Variants in CSNK2A1 observed in about 807,000 individuals in gnomAD.
CSNK2A1 encodes casein kinase II subunit alpha.
In CSNK2A1, 10 loss-of-function variants were observed where a neutral mutation model predicts 62.9. The observed-to-expected ratio is 0.16, with a 90% CI of 0.10 to 0.27. CSNK2A1 has a LOEUF of 0.27. Among genes scored for constraint, CSNK2A1 ranks in the 10% least tolerant of loss-of-function variants. The pLI is 1.00. For missense variants in CSNK2A1, 160 were observed against 492.0 expected (o/e 0.33, Z 6.38); for synonymous variants, 124 against 167.8 (o/e 0.74, Z 2.02).
chr20:488,420 A>G, intron 11 of CSNK2A1: 1 of 373,246 alleles, frequency 2.7e-6, no homozygotes, highest in South Asian at 3.8e-5. Context: ...TAACCCTTCT[A>G]CTAGAATCTA....
intron 4 of CSNK2A1, chr20:502,233 C>T (rs1046486626): frequency 1.3e-5 from 2 of 152,238 alleles, no homozygotes; most frequent in African/African-American, 4.8e-5. Flanking sequence ...TTACCCAATA[C>T]AATATCTACC....
intron 2 of CSNK2A1, among the ~76,000 whole-genome samples, chr20:522,475 C>T (rs6037858): frequency 6.6e-6 from 1 of 152,244 alleles, no homozygotes; most frequent in East Asian, 1.9e-4. Flanking sequence ...CATTCTATAA[C>T]ATACATCACC....
At chr20:536,599 T>C (rs989720999) in intron 1 of CSNK2A1, among the ~76,000 whole-genome samples, 4 of 152,170 alleles carry the variant, frequency 2.6e-5, no homozygotes, top group Non-Finnish European at 5.9e-5. Flanking sequence ...GGGAGTTCTT[T>C]CCCACTAACC....
At chr20:531,236 C>G (rs1399513285) in intron 1 of CSNK2A1, among the ~76,000 whole-genome samples, 1 of 152,156 alleles carries the variant, frequency 6.6e-6, no homozygotes, top group Non-Finnish European at 1.5e-5. Flanking sequence ...GTAGGTCTGT[C>G]TGTCTGGTAA....
chr20:505,682 T>TA (rs1454960877), intron 3 of CSNK2A1, among the ~76,000 whole-genome samples: 244 of 150,732 alleles, frequency 1.6e-3, no homozygotes, highest in African/African-American at 5.7e-3. Flanking sequence ...TTTTTTTTTT[T>TA]AAATTAGGCC....
chr20:493,654 T>C (rs1190567419), intron 8 of CSNK2A1, among the ~76,000 whole-genome samples: 2 of 152,200 alleles, frequency 1.3e-5, no homozygotes, highest in Non-Finnish European at 2.9e-5. Flanking sequence ...TTCACCAGTT[T>C]TACATGCACG....
At chr20:506,753 G>A (rs1030199473) in intron 3 of CSNK2A1, 1 of 152,180 alleles carries the variant, frequency 6.6e-6, no homozygotes, top group African/African-American at 2.4e-5. Context: ...ATCATGGCAG[G>A]TGTAGGGGAA....
intron 13 of CSNK2A1, among the ~76,000 whole-genome samples, chr20:485,108 A>AAATAATAATAATAATAAT (rs2018061247): frequency 9.2e-5 from 4 of 43,550 alleles, no homozygotes; most frequent in African/African-American, 3.4e-4. Flanking sequence ...AAAAAAAAAA[A>AAATAATAATAATAATAAT]AATATATATA....
At chr20:490,353 G>GTTTTTTTTTT (rs373775413) in intron 9 of CSNK2A1, among the ~76,000 whole-genome samples, 6 of 53,490 alleles carry the variant, frequency 1.1e-4, no homozygotes, top group African/African-American at 4.4e-4. Context: ...TTTTTTTTTA[G>GTTTTTTTTTT]TTTTTTTTTT....
chr20:505,938 G>GCA (rs1555765206), intron 3 of CSNK2A1: 2 of 140,234 alleles, frequency 1.4e-5, no homozygotes, highest in Non-Finnish European at 3.0e-5. Flanking sequence ...GCAGTGGCGT[G>GCA]ATCTCGGCTC....
At chr20:495,177 C>T (rs2018320058) in intron 8 of CSNK2A1, 1 of 153,200 alleles carries the variant, frequency 6.5e-6, no homozygotes, top group Non-Finnish European at 1.5e-5. Flanking sequence ...CCAGAGACCA[C>T]AACAGGCAAG....
At position 515,388 on chromosome 20, in the gene CSNK2A1, G is replaced by C. The variant is rs147926905; in HGVS notation, c.-109-6728C>G. 5.3e-5 allele frequency among the ~76,000 whole-genome samples: 8 copies of C among 152,334 alleles called. No homozygotes were observed. In the East Asian group the frequency reaches 1.5e-3, roughly 29 times the overall value. ...TTCAAACGAAGATTCTGAATAGGCA[G>C]TTAGATATTACAAGTCTGGAACTAA... is the stretch of plus-strand genomic sequence containing the variant. On this transcript the variant is annotated intron_variant, in intron 2 of 13. Coordinates refer to ENST00000217244, the MANE Select transcript of CSNK2A1 (RefSeq NM_177559.3).
intron 2 of CSNK2A1, among the ~76,000 whole-genome samples, chr20:527,557 G>A (rs1003720669): frequency 5.9e-5 from 9 of 152,156 alleles, no homozygotes; most frequent in Admixed American, 5.2e-4. Context: ...ACACTATGAA[G>A]CATTCCCATC....
At chr20:505,030 C>A in intron 4 of CSNK2A1, 88 bp downstream of exon 4, 1 of 1,154,072 alleles carries the variant, frequency 8.7e-7, no homozygotes, top group South Asian at 1.6e-5. Flanking sequence ...GCACCAAAAA[C>A]CTTTTAAATG....
intron 2 of CSNK2A1, among the ~76,000 whole-genome samples, chr20:520,079 A>G (rs2018913366): frequency 6.6e-6 from 1 of 152,212 alleles, no homozygotes; most frequent in African/African-American, 2.4e-5. Flanking sequence ...GTAAAATCAT[A>G]AAAAGAATCC....
At chr20:505,534 A>C (rs921953189) in intron 3 of CSNK2A1, among the ~76,000 whole-genome samples, 3 of 150,598 alleles carry the variant, frequency 2.0e-5, no homozygotes, top group Non-Finnish European at 4.4e-5. Context: ...TAATTTTTTG[A>C]ATTTTTAGTA....
At chr20:537,014 T>TG (rs1458728252) in intron 1 of CSNK2A1, among the ~76,000 whole-genome samples, 1 of 152,198 alleles carries the variant, frequency 6.6e-6, no homozygotes, top group Non-Finnish European at 1.5e-5. Flanking sequence ...TTAAAATTTA[T>TG]AGAACATTGA....
At chr20:500,023 T>C in intron 4 of CSNK2A1, 89 bp from the exon 5 acceptor site, 1 of 1,016,866 alleles carries the variant, frequency 9.8e-7, no homozygotes, top group Non-Finnish European at 1.5e-6. Context: ...AAATGATAAA[T>C]GGCTTACTTA....
intron 1 of CSNK2A1, among the ~76,000 whole-genome samples, chr20:528,256 G>A (rs2019139561): frequency 6.6e-6 from 1 of 152,118 alleles, no homozygotes; most frequent in African/African-American, 2.4e-5. Flanking sequence ...TGCCATGGTG[G>A]CAGGTTACAT....
Sources: allele counts gnomAD v4.1 joint callset (sites outside exome capture counted in the v4.1 genomes callset), GRCh38; gene constraint gnomAD v4.1.1; transcripts MANE v1.5; gene names NCBI Gene and HGNC (gene_info 2026-07-23, HGNC 2026-07-21).